The following ARB2A variants were observed in gnomAD, a reference collection of about 807,000 sequenced individuals.
ARB2A encodes the protein ARB2 cotranscriptional regulator A.
the ARB2A span, among the ~76,000 whole-genome samples, chr5:93,767,948 C>T: frequency 5.5e-5 from 7 of 126,632 alleles, no homozygotes; most frequent in Non-Finnish European, 1.1e-4. Context: ...GAGCCAAGAT[C>T]ACGCCATTGC....
the ARB2A span, among the ~76,000 whole-genome samples, chr5:93,977,926 A>T: frequency 6.6e-6 from 1 of 152,168 alleles, no homozygotes; most frequent in African/African-American, 2.4e-5. Context: ...ACAACCAAAA[A>T]ACAAATAACC....
chr5:93,777,075 A>G, the ARB2A span, among the ~76,000 whole-genome samples: 1 of 149,852 alleles, frequency 6.7e-6, no homozygotes, highest in Non-Finnish European at 1.5e-5. Flanking sequence ...TTTTACTTTG[A>G]CCTGCTTTAA....
chr5:93,740,612 C>A, the ARB2A span: 1 of 1,602,504 alleles, frequency 6.2e-7, no homozygotes, highest in South Asian at 1.1e-5. Flanking sequence ...GTGGCTGGGG[C>A]AGAGGAGTGG....
At chr5:93,660,788 A>G in the ARB2A span, among the ~76,000 whole-genome samples, 2 of 152,164 alleles carry the variant, frequency 1.3e-5, no homozygotes, top group Non-Finnish European at 2.9e-5. Context: ...AAGAGACTGA[A>G]CTAAGATGGT....
chr5:93,829,487 T>C, the ARB2A span, among the ~76,000 whole-genome samples: 1 of 152,212 alleles, frequency 6.6e-6, no homozygotes, highest in African/African-American at 2.4e-5. Context: ...TCTAACATCA[T>C]CTTGTGCATG....
chr5:93,796,445 G>C, the ARB2A span, among the ~76,000 whole-genome samples: 263 of 152,252 alleles, frequency 1.7e-3, 2 homozygotes, highest in African/African-American at 6.2e-3. Flanking sequence ...GACAGGATGT[G>C]TTAATCAACT....
the ARB2A span, among the ~76,000 whole-genome samples, chr5:94,013,633 T>G: frequency 3.9e-5 from 6 of 152,038 alleles, no homozygotes; most frequent in Admixed American, 3.3e-4. Context: ...AGGGAGCAGA[T>G]AATTTACAGA....
At chr5:93,640,340 T>C in the ARB2A span, among the ~76,000 whole-genome samples, 6 of 151,078 alleles carry the variant, frequency 4.0e-5, no homozygotes, top group South Asian at 1.3e-3. Flanking sequence ...TCCCAGCTAC[T>C]CGGGAGGCTG....
the ARB2A span, among the ~76,000 whole-genome samples, chr5:93,884,777 A>G: frequency 1.3e-5 from 2 of 151,636 alleles, no homozygotes; most frequent in Non-Finnish European, 3.0e-5. Flanking sequence ...TAAAATTAAA[A>G]TATTTCTGTT....
chr5:94,064,669 C>T, the ARB2A span, among the ~76,000 whole-genome samples: 8 of 152,258 alleles, frequency 5.3e-5, no homozygotes, highest in African/African-American at 2.4e-5. Flanking sequence ...CGGGCCAAGA[C>T]GAAATGGGAT....
At chr5:93,984,274 CAA>C in the ARB2A span, among the ~76,000 whole-genome samples, 1 of 152,082 alleles carries the variant, frequency 6.6e-6, no homozygotes, top group East Asian at 1.9e-4. Context: ...TATAACAAAA[CAA>C]AAAGTTATTT....
At chr5:93,960,000 T>C in the ARB2A span, among the ~76,000 whole-genome samples, 1 of 151,258 alleles carries the variant, frequency 6.6e-6, no homozygotes, top group East Asian at 1.9e-4. Flanking sequence ...CCACATATTG[T>C]GTAACGTAAT....
chr5:93,673,627 T>C, the ARB2A span, among the ~76,000 whole-genome samples: 2 of 152,220 alleles, frequency 1.3e-5, no homozygotes, highest in African/African-American at 2.4e-5. Context: ...ATATGATTAT[T>C]CTGACTGCCT....
the ARB2A span, among the ~76,000 whole-genome samples, chr5:94,011,083 T>C: frequency 6.6e-6 from 1 of 152,178 alleles, no homozygotes; most frequent in Non-Finnish European, 1.5e-5. Flanking sequence ...ACTTCACTCA[T>C]CTCCATGTGA....
the ARB2A span, among the ~76,000 whole-genome samples, chr5:93,744,814 C>T: frequency 1.3e-5 from 2 of 152,166 alleles, no homozygotes; most frequent in Non-Finnish European, 2.9e-5. Context: ...CAACAAAAAT[C>T]ACTCTTAGTA....
At chr5:93,682,542 T>C in the ARB2A span, among the ~76,000 whole-genome samples, 2 of 152,110 alleles carry the variant, frequency 1.3e-5, no homozygotes, top group Non-Finnish European at 2.9e-5. Context: ...TACTGAGTTT[T>C]ATTTCACATG....
chr5:93,634,124 C>T, the ARB2A span, among the ~76,000 whole-genome samples: 2 of 151,970 alleles, frequency 1.3e-5, no homozygotes, highest in African/African-American at 2.4e-5. Flanking sequence ...AATTCCTGGC[C>T]GGGCGCCGTG....
chr5:93,674,042 A>T, the ARB2A span, among the ~76,000 whole-genome samples: 1 of 152,230 alleles, frequency 6.6e-6, no homozygotes, highest in African/African-American at 2.4e-5. Context: ...TATCTTAAGG[A>T]GTCTAATCGG....
chr5:93,768,960 TA>T, the ARB2A span, among the ~76,000 whole-genome samples: 5 of 150,002 alleles, frequency 3.3e-5, no homozygotes, highest in South Asian at 2.1e-4. Flanking sequence ...AAAATAAAAC[TA>T]AAAAAAAAGG....
Sources: allele counts gnomAD v4.1 joint callset (sites outside exome capture counted in the v4.1 genomes callset), GRCh38; gene constraint gnomAD v4.1.1; transcripts MANE v1.5; gene names NCBI Gene and HGNC (gene_info 2026-07-23, HGNC 2026-07-21).